The following CCL25 variants were observed in gnomAD, a reference collection of about 807,000 sequenced individuals.
The protein encoded by CCL25 is C-C motif chemokine ligand 25, also known as C-C motif chemokine 25.
In CCL25, 14 loss-of-function variants were observed where a neutral mutation model predicts 19.9. The observed-to-expected ratio is 0.70, with a 90% CI of 0.47 to 1.10. CCL25 has a LOEUF of 1.10. Among genes scored for constraint, CCL25 ranks in the 50% least tolerant of loss-of-function variants. The probability of loss-of-function intolerance (pLI) is 0.00; values close to 1 mark genes in which losing one functional copy is unlikely to be tolerated. For synonymous variants in CCL25, 68 were observed against 73.2 expected, an observed-to-expected ratio of 0.93 and a Z score of 0.36; for missense variants, 151 against 181.2, an observed-to-expected ratio of 0.83 and a Z score of 0.96.
chr19:8,058,559 TA>T (rs1436990114), intron 5 of CCL25, among the ~76,000 whole-genome samples: 2 of 115,826 alleles, frequency 1.7e-5, no homozygotes, highest in Non-Finnish European at 3.5e-5. Flanking sequence ...ATATAATATA[TA>T]AAAATAATAT....
chr19:8,057,995 C>T, intron 5 of CCL25, 75 bp downstream of exon 5: 3 of 1,554,622 alleles, frequency 1.9e-6, no homozygotes, highest in South Asian at 1.2e-5. Flanking sequence ...GATTGGCTCA[C>T]ACTGGGACAG....
chr19:8,056,492 C>T lies in CCL25; in HGVS notation c.318C>T (p.Thr106=). ...CAAAGCTCCACCACAACACGCAGAC[C>T]TTCCAAGGTGGGCAAGACCTCTGCT... ...VFAKLHHNTQ[T]FQAGPHAVKK... The change falls in exon 4 of 6, where the codon ACC becomes ACT. Residue 106 remains threonine (T), a synonymous_variant. Coordinates refer to ENST00000315626, the MANE Select transcript of CCL25 (RefSeq NM_005624.4). 2 of 1,614,082 alleles carry T rather than the reference C, an allele frequency of 1.2e-6. No individual in the cohort carries two copies. Among genetic ancestry groups the T allele is most frequent in the Non-Finnish European group, 1.7e-6 (2 of 1,180,018 alleles).
chr19:8,059,526 C>A (rs1432054485), intron 5 of CCL25, among the ~76,000 whole-genome samples: 1 of 152,004 alleles, frequency 6.6e-6, no homozygotes, highest in Non-Finnish European at 1.5e-5. Flanking sequence ...GGTAGTGACA[C>A]AATCCACAGG....
rs375176078 is a variant in CCL25, at chr19:8,056,154, G to A, written c.76G>A (p.Val26Ile). 1.9e-6 allele frequency: 3 copies of A among 1,542,312 alleles called. No homozygotes were observed. Among genetic ancestry groups the A allele is most frequent in the African/African-American group, 1.4e-5 (1 of 72,522 alleles). ...AWAPAVHTQG[V>I]FEDCCLAYHY... The stretch of plus-strand genomic sequence containing the variant: ...TCTGGGCGGCTGTGTGGTTGCAGGT[G>A]TCTTTGAGGACTGCTGCCTGGCCTA... Residue 26 changes from valine to isoleucine, a missense_variant and splice_region_variant, in exon 3 of 6, where the codon GTC (valine) becomes ATC (isoleucine). Transcript: ENST00000315626.
chr19:8,056,531 G>A lies in CCL25; in HGVS notation c.325+32G>A, dbSNP rs764627965. On this transcript the variant is annotated intron_variant, in intron 4 of 5. Transcript: ENST00000315626. The stretch of plus-strand genomic sequence containing the variant: ...AAGACCTCTGCTGGGCATCTAGGGG[G>A]CCTGCCCTCCCTGCCTGCAAGCCCA... The A allele has an allele frequency of 6.8e-6, 11 of 1,612,382 alleles. No homozygotes were observed. The Admixed American group carries it at 1.0e-4, about 15-fold the overall frequency.
At position 8,059,168 on chromosome 19, in the gene CCL25, ATATATATAATATATAAAT is replaced by A. The variant is rs1568336108; in HGVS notation, c.445+1249_445+1266del. Among the ~76,000 whole-genome samples, 51 of 75,656 alleles carry A rather than the reference ATATATATAATATATAAAT, an allele frequency of 6.7e-4. 1 individual carries two copies. Among genetic ancestry groups the A allele is most frequent in the Non-Finnish European group, 1.0e-3 (40 of 39,038 alleles). 49.6% of individuals were successfully genotyped at this position (75,656 alleles called of 152,430 possible). ...TAATATATAATATATATAATATATAATATATATAATATATAAATATATATATTATATATAATTAATATT... is the reference window on the plus strand; with the variant it reads ...TAATATATAATATATATAATATATAAATATATATTATATATAATTAATATT... On this transcript the variant is annotated intron_variant, in intron 5 of 5. Transcript: ENST00000315626.
intron 2 of CCL25, among the ~76,000 whole-genome samples, chr19:8,055,486 C>T (rs2081263963): frequency 6.6e-6 from 1 of 151,514 alleles, no homozygotes; most frequent in South Asian, 2.1e-4. Context: ...CAGGCGCCCA[C>T]CACCACACCC....
In CCL25 at chr19:8,056,168, C is replaced by T. The variant is rs1037925186; in HGVS notation, c.90C>T (p.Cys30=). 1 of 1,548,698 alleles carries T rather than the reference C, an allele frequency of 6.5e-7. No individual in the cohort carries two copies. The highest frequency in any genetic ancestry group is 1.3e-5 in the South Asian group (1 of 79,476). The stretch of plus-strand genomic sequence containing the variant: ...TGGTTGCAGGTGTCTTTGAGGACTG[C>T]TGCCTGGCCTACCACTACCCCATTG... ...AVHTQGVFED[C]CLAYHYPIGW... is the part of the protein sequence containing the mutation. The change falls in exon 3 of 6, where the codon TGC becomes TGT. Residue 30 remains cysteine, a synonymous_variant. Coordinates refer to ENST00000315626, the MANE Select transcript of CCL25 (RefSeq NM_005624.4).
chr19:8,061,885 A>C (rs997901738), intron 5 of CCL25, among the ~76,000 whole-genome samples: 1 of 151,656 alleles, frequency 6.6e-6, no homozygotes, highest in Non-Finnish European at 1.5e-5. Context: ...ATACAAAAAT[A>C]CAAAAAATAC....
intron 2 of CCL25, among the ~76,000 whole-genome samples, chr19:8,053,736 A>G (rs776024430): frequency 5.3e-5 from 8 of 151,304 alleles, no homozygotes; most frequent in Non-Finnish European, 7.4e-5. Context: ...TTTAGTAGAG[A>G]TGGGGTTTCA....
At chr19:8,054,066 G>A (rs3826741) in intron 2 of CCL25, among the ~76,000 whole-genome samples, 30,629 of 152,170 alleles carry the variant, frequency 0.2, 3,260 homozygotes, top group African/African-American at 0.26. Context: ...GATTTCAGTC[G>A]CCAAAGGACA....
chr19:8,059,432 C>G (rs879397295), intron 5 of CCL25, among the ~76,000 whole-genome samples: 3 of 151,410 alleles, frequency 2.0e-5, no homozygotes, highest in Non-Finnish European at 4.4e-5. Flanking sequence ...CTTCTGGCCT[C>G]AAGCAATTCT....
intron 4 of CCL25, among the ~76,000 whole-genome samples, chr19:8,056,959 C>CAG (rs2081276806): frequency 6.6e-6 from 1 of 152,196 alleles, no homozygotes; most frequent in African/African-American, 2.4e-5. Flanking sequence ...CCTCCTACCT[C>CAG]AGCCTCCTGA....
At chr19:8,053,169 CCCCCA>C in intron 2 of CCL25, 47 bp downstream of exon 2, 1 of 1,233,968 alleles carries the variant, frequency 8.1e-7, no homozygotes, top group Non-Finnish European at 1.1e-6. Context: ...TCTCCCCATG[CCCCCA>C]CCCCACCCCT....
intron 2 of CCL25, among the ~76,000 whole-genome samples, chr19:8,055,566 C>T (rs2081265098): frequency 6.6e-6 from 1 of 151,914 alleles, no homozygotes; most frequent in Non-Finnish European, 1.5e-5. Context: ...AATCTCCTGA[C>T]CTCGTGATCC....
At chr19:8,059,714 G>T (rs1054871792) in intron 5 of CCL25, among the ~76,000 whole-genome samples, 2 of 152,078 alleles carry the variant, frequency 1.3e-5, no homozygotes, top group African/African-American at 4.8e-5. Context: ...CCATTTTATT[G>T]TAAAAGATTA....
At chr19:8,053,217 A>G (rs1057293053) in intron 2 of CCL25, 95 bp downstream of exon 2, 6 of 707,480 alleles carry the variant, frequency 8.5e-6, no homozygotes, top group South Asian at 6.6e-5. Flanking sequence ...AGTCTCCCCA[A>G]TCCCATCTCC....
rs796962593 is a variant in CCL25, at chr19:8,058,670, T to A, written c.445+750T>A. 1.5e-4 allele frequency among the ~76,000 whole-genome samples: 21 copies of A among 137,954 alleles called. 1 individual carries two copies. In the South Asian group the frequency reaches 1.7e-3, roughly 11 times the overall value. The allele number at this position is 137,954 out of a possible 152,430, so 90.5% of individuals were successfully genotyped here. On this transcript the variant is annotated intron_variant, in intron 5 of 5. Transcript: ENST00000315626. The stretch of plus-strand genomic sequence containing the variant: ...ATAAATATATATATTTATTATTATT[T>A]TTTTTTGAGATGGAGTCTCACTCTG...
intron 2 of CCL25, among the ~76,000 whole-genome samples, chr19:8,055,898 G>A (rs769968621): frequency 5.3e-5 from 8 of 152,156 alleles, no homozygotes; most frequent in African/African-American, 1.2e-4. Flanking sequence ...GCCTTGGTCC[G>A]TTCATTTGCT....
Sources: gnomAD v4.1 joint callset for allele counts (sites outside exome capture counted in the v4.1 genomes callset) on GRCh38, gnomAD v4.1.1 for gene constraint, MANE v1.5 for transcripts, NCBI Gene and HGNC (gene_info 2026-07-23, HGNC 2026-07-21) for gene names.